TSPEAR: variants seen among roughly 807,000 people sequenced by gnomAD.
TSPEAR encodes thrombospondin type laminin G domain and EAR repeats.
Under a neutral mutation model 71.6 loss-of-function variants are expected in TSPEAR, and 69 were observed. The observed-to-expected ratio is 0.96, with a 90% CI of 0.79 to 1.18. TSPEAR has a LOEUF of 1.18. Ranked by LOEUF, TSPEAR falls within the 50% of genes most tolerant of loss-of-function variation. TSPEAR has a pLI of 0.00. For missense variants in TSPEAR, 971 were observed against 894.9 expected (o/e 1.09, Z -1.09); for synonymous variants, 402 against 387.2 (o/e 1.04, Z -0.45).
chr21:44,678,041 T>C (rs997373963), intron 1 of TSPEAR: 6 of 754,736 alleles, frequency 7.9e-6, no homozygotes, highest in Non-Finnish European at 1.4e-5. Flanking sequence ...TAGAGACAAC[T>C]CTGGGCCACA....
At chr21:44,628,046 G>A in intron 1 of TSPEAR, 1 of 1,611,330 alleles carries the variant, frequency 6.2e-7, no homozygotes, top group East Asian at 2.2e-5. Context: ...AAGTCCAGCT[G>A]CTGACGGTCA....
At chr21:44,667,461 C>A (rs1569249156) in intron 1 of TSPEAR, among the ~76,000 whole-genome samples, 1 of 152,174 alleles carries the variant, frequency 6.6e-6, no homozygotes, top group South Asian at 2.1e-4. Flanking sequence ...CAGAGAACTT[C>A]TTGTGAGTGG....
At chr21:44,567,248 A>C (rs1555921855) in intron 2 of TSPEAR, among the ~76,000 whole-genome samples, 1 of 152,248 alleles carries the variant, frequency 6.6e-6, no homozygotes, top group Non-Finnish European at 1.5e-5. Flanking sequence ...TACACACATG[A>C]GAAGTGCTCA....
chr21:44,676,396 G>T (rs185483171), intron 1 of TSPEAR: 3 of 1,127,604 alleles, frequency 2.7e-6, no homozygotes, highest in Non-Finnish European at 4.0e-6. Context: ...TGCAGATGAG[G>T]TCTTCATGCT....
chr21:44,678,262 G>C (rs1417599551), intron 1 of TSPEAR, among the ~76,000 whole-genome samples: 1 of 152,018 alleles, frequency 6.6e-6, no homozygotes, highest in Non-Finnish European at 1.5e-5. Context: ...GGTGGAGCCT[G>C]GTAGGAGGTG....
chr21:44,552,877 T>C (rs1219238905), intron 2 of TSPEAR, among the ~76,000 whole-genome samples: 1 of 151,894 alleles, frequency 6.6e-6, no homozygotes, highest in Non-Finnish European at 1.5e-5. Flanking sequence ...TCAGGGGTGA[T>C]GTCTGTGAAG....
chr21:44,592,328 G>C, intron 1 of TSPEAR: 1 of 1,286,774 alleles, frequency 7.8e-7, no homozygotes, highest in African/African-American at 1.8e-5. Flanking sequence ...ACCAGGCTCA[G>C]GCAGGGGGCC....
chr21:44,522,748 G>C lies in TSPEAR; in HGVS notation c.1337-636C>G, dbSNP rs985471013. On this transcript the variant is annotated intron_variant, in intron 8 of 11. Coordinates refer to ENST00000323084, the MANE Select transcript of TSPEAR (RefSeq NM_144991.3). ...CTCACTGTCTCTGCTGGCACAAGGC[G>C]GGACAGCTGCCTGTCCTCAGGAAAC... Among the ~76,000 whole-genome samples the C allele has an allele frequency of 7.9e-5, 12 of 152,358 alleles. No individual in the cohort carries two copies. In the South Asian group the frequency reaches 1.4e-3, roughly 18 times the overall value.
chr21:44,551,009 G>A (rs1463871030), intron 2 of TSPEAR: 1 of 1,610,764 alleles, frequency 6.2e-7, no homozygotes, highest in Non-Finnish European at 8.5e-7. Context: ...TGGGCACGCA[G>A]CACACAGCTT....
chr21:44,622,983 C>G (rs1174033389), intron 1 of TSPEAR, among the ~76,000 whole-genome samples: 1 of 152,146 alleles, frequency 6.6e-6, no homozygotes, highest in Non-Finnish European at 1.5e-5. Context: ...CACTCTCTTT[C>G]TCTTGCTACT....
rs782232975 is a variant in TSPEAR at position 44,638,110 on chromosome 21, C to A, written c.83-70105G>T. On this transcript the variant is annotated intron_variant, in intron 1 of 11. Transcript: ENST00000323084. ...CGGCCTCCTGTGTTTCCCTCCTCTG[C>A]CGCCCCGTGTGCTCCCGCCCTGCCT... 17 of 1,613,378 alleles carry A rather than the reference C, an allele frequency of 1.1e-5. 1 individual carries two copies. The Admixed American group carries it at 2.7e-4, about 25-fold the overall frequency.
At chr21:44,574,568 C>T in intron 1 of TSPEAR, 1 of 1,606,206 alleles carries the variant, frequency 6.2e-7, no homozygotes, top group East Asian at 2.3e-5. Context: ...AGCAGGCTTG[C>T]TGTGTGCCTG....
chr21:44,628,949 C>CT (rs1555935224), intron 1 of TSPEAR, among the ~76,000 whole-genome samples: 16 of 117,062 alleles, frequency 1.4e-4, no homozygotes, highest in Non-Finnish European at 2.7e-4. Context: ...GGGTGGAGGG[C>CT]CGGTGGGAAC....
At position 44,646,868 on chromosome 21, in the gene TSPEAR, G is replaced by C. The variant is rs1315791431; in HGVS notation, c.82+64565C>G. ...CAGTCTAGCTGCCAGCCAGCTTGCT[G>C]TGCCTCTTCCTCCTGCCAGCCGGCC... is the stretch of plus-strand genomic sequence containing the variant. On this transcript the variant is annotated intron_variant, in intron 1 of 11. Coordinates refer to ENST00000323084, the MANE Select transcript of TSPEAR (RefSeq NM_144991.3). 8 of 1,577,890 alleles carry C rather than the reference G, an allele frequency of 5.1e-6. No individual in the cohort carries two copies. The African/African-American group carries it at 5.4e-5, about 11-fold the overall frequency.
chr21:44,580,153 C>T lies in TSPEAR; in HGVS notation c.83-12148G>A, dbSNP rs781794730. The T allele has an allele frequency of 3.7e-6, 6 of 1,611,996 alleles. No homozygotes were observed. In the Admixed American group the frequency reaches 6.7e-5, roughly 18 times the overall value. On this transcript the variant is annotated intron_variant, in intron 1 of 11. Coordinates refer to ENST00000323084, the MANE Select transcript of TSPEAR (RefSeq NM_144991.3). ...AAGAGGAATCCTCAGAACAGGTGGG[C>T]ACACAGCACACGGGCTTGCAGCAGA...
chr21:44,677,537 T>C, intron 1 of TSPEAR: 1 of 837,522 alleles, frequency 1.2e-6, no homozygotes, highest in Non-Finnish European at 2.0e-6. Flanking sequence ...CACATGGTCG[T>C]TCCCTTATAG....
At chr21:44,505,246 T>A (rs1451880712) in intron 10 of TSPEAR, among the ~76,000 whole-genome samples, 6 of 151,804 alleles carry the variant, frequency 4.0e-5, no homozygotes, top group Non-Finnish European at 8.8e-5. Flanking sequence ...GCCCGGCTAA[T>A]TTTTGTATTT....
At chr21:44,567,238 T>C (rs981164477) in intron 2 of TSPEAR, among the ~76,000 whole-genome samples, 1 of 152,224 alleles carries the variant, frequency 6.6e-6, no homozygotes, top group Non-Finnish European at 1.5e-5. Flanking sequence ...AAATAGCCAG[T>C]ACACACATGA....
At chr21:44,697,661 C>G in intron 1 of TSPEAR, 2 of 1,612,976 alleles carry the variant, frequency 1.2e-6, no homozygotes, top group Non-Finnish European at 1.7e-6. Context: ...CTGCTGTGTG[C>G]CCGTCTGCTG....
Sources: gnomAD v4.1 joint callset for allele counts (sites outside exome capture counted in the v4.1 genomes callset) on GRCh38, gnomAD v4.1.1 for gene constraint, MANE v1.5 for transcripts, NCBI Gene and HGNC (gene_info 2026-07-23, HGNC 2026-07-21) for gene names.